The following GNAQ variants were observed in gnomAD, a reference collection of about 807,000 sequenced individuals.
The protein encoded by GNAQ is guanine nucleotide-binding protein G(q) subunit alpha.
A neutral mutation model predicts 43.9 loss-of-function variants in GNAQ; 8 were observed. The observed-to-expected ratio is 0.18, with a 90% CI of 0.11 to 0.33. The LOEUF (loss-of-function observed/expected upper bound fraction) is 0.33. GNAQ is among the 10% of genes least tolerant of loss of function. The pLI is 1.00. For synonymous variants in GNAQ, 155 were observed against 170.7 expected, an observed-to-expected ratio of 0.91 and a Z score of 0.71; for missense variants, 158 against 450.8, an observed-to-expected ratio of 0.35 and a Z score of 5.88.
At chr9:77,961,566 T>A (rs1823107741) in intron 1 of GNAQ, among the ~76,000 whole-genome samples, 1 of 152,172 alleles carries the variant, frequency 6.6e-6, no homozygotes, top group Non-Finnish European at 1.5e-5. Context: ...ACAGGTTCAC[T>A]GCACCACAAA....
At position 77,728,575 on chromosome 9, in the gene GNAQ, T is replaced by C. The variant is rs1825436327; in HGVS notation, c.828A>G (p.Lys276=). 1 of 1,601,014 alleles carries C rather than the reference T, an allele frequency of 6.2e-7. No homozygotes were observed. The highest frequency in any genetic ancestry group is 8.6e-7 in the Non-Finnish European group (1 of 1,168,216). ...NSSVILFLNK[K]DLLEEKIMYS... ...ACATGATTTTCTCCTCTAGAAGATC[T>C]TTCTTGTTTAAGAACAGAATAACCG... Residue 276 remains lysine (K), a synonymous_variant, in exon 6 of 7, where the codon AAA becomes AAG. Coordinates refer to ENST00000286548, the MANE Select transcript of GNAQ (RefSeq NM_002072.5).
intron 6 of GNAQ, among the ~76,000 whole-genome samples, chr9:77,724,184 C>A (rs1440161650): frequency 6.6e-6 from 1 of 151,912 alleles, no homozygotes. Context: ...CTATACCAAG[C>A]AATAAGAAAC....
rs778055818 is a variant in GNAQ, at chr9:77,716,783, T to C, written c.*4540A>G. On this transcript the variant is annotated 3_prime_UTR_variant, in exon 7 of 7. Coordinates refer to ENST00000286548, the MANE Select transcript of GNAQ (RefSeq NM_002072.5). ...CATTTGCTATATTGGGTTGGAATCA[T>C]ACGGGGAAATGGAGGACACAGGGTA... 8.6e-6 allele frequency: 2 copies of C among 232,768 alleles called. No homozygotes were observed. Among genetic ancestry groups the C allele is most frequent in the Non-Finnish European group, 1.7e-5 (2 of 117,878 alleles). The allele number at this position is 232,768 out of a possible 1,614,324, so 14.4% of individuals were successfully genotyped here. A position where few individuals can be genotyped will look rare whatever the true frequency, so the allele number is the denominator to read the frequency against.
chr9:77,829,949 A>G (rs1411700876), intron 2 of GNAQ, among the ~76,000 whole-genome samples: 1 of 151,854 alleles, frequency 6.6e-6, no homozygotes, highest in African/African-American at 2.4e-5. Flanking sequence ...AGACATGACC[A>G]ATTTTTTTTT....
Position 78,022,831 on chromosome 9 carries a change from A to G in GNAQ, c.136+8269T>C, listed in dbSNP as rs574760875. 1.2e-4 allele frequency among the ~76,000 whole-genome samples: 19 copies of G among 152,386 alleles called. No individual in the cohort carries two copies. The South Asian group carries it at 3.5e-3, about 28-fold the overall frequency. On this transcript the variant is annotated intron_variant, in intron 1 of 6. Transcript: ENST00000286548. ...GTCCTAAATATCAATTCACATGGCA[A>G]GAAAATACCAAAACAAACCCACCAC...
intron 5 of GNAQ, among the ~76,000 whole-genome samples, chr9:77,738,107 G>GGAC (rs1825600008): frequency 6.6e-6 from 1 of 152,216 alleles, no homozygotes; most frequent in Non-Finnish European, 1.5e-5. Flanking sequence ...AGTAAACAGA[G>GGAC]GACGTGGTGG....
chr9:77,772,171 A>C (rs1214566989), intron 5 of GNAQ, among the ~76,000 whole-genome samples: 1 of 152,016 alleles, frequency 6.6e-6, no homozygotes, highest in Admixed American at 6.5e-5. Flanking sequence ...ACCCACACAC[A>C]TGTAAATATA....
At position 77,822,595 on chromosome 9, in the gene GNAQ, G is replaced by A. The variant is rs536786735; in HGVS notation, c.322-6825C>T. Among the ~76,000 whole-genome samples, 8 of 138,910 alleles carry A rather than the reference G, an allele frequency of 5.8e-5. No individual in the cohort carries two copies. The East Asian group carries it at 6.2e-4, about 11-fold the overall frequency. The allele number at this position is 138,910 out of a possible 152,430, so 91.1% of individuals were successfully genotyped here. A position where few individuals can be genotyped will look rare whatever the true frequency, so the allele number is the denominator to read the frequency against. On this transcript the variant is annotated intron_variant, in intron 2 of 6. Coordinates refer to ENST00000286548, the MANE Select transcript of GNAQ (RefSeq NM_002072.5). The stretch of plus-strand genomic sequence containing the variant: ...TTCAGTTGGTAGAATTCAGACAGGC[G>A]AAAAAATAAAAAGAACAAGCTTTTT...
intron 1 of GNAQ, among the ~76,000 whole-genome samples, chr9:77,982,599 C>T (rs1042611142): frequency 1.3e-5 from 2 of 151,918 alleles, no homozygotes; most frequent in Non-Finnish European, 2.9e-5. Flanking sequence ...CCCTGAAAAG[C>T]TTTTTCAGAA....
intron 1 of GNAQ, among the ~76,000 whole-genome samples, chr9:77,976,830 G>A (rs1208222155): frequency 6.6e-6 from 1 of 152,198 alleles, no homozygotes; most frequent in Non-Finnish European, 1.5e-5. Flanking sequence ...CTAAAAACCT[G>A]CTCTCCATAC....
intron 3 of GNAQ, among the ~76,000 whole-genome samples, chr9:77,813,915 T>G (rs967184558): frequency 4.5e-4 from 68 of 152,256 alleles, no homozygotes; most frequent in African/African-American, 1.6e-3. Context: ...GAGGATGAGT[T>G]AGTTTTAAAG....
At chr9:77,922,797 G>GA (rs911385925) in intron 1 of GNAQ, among the ~76,000 whole-genome samples, 1 of 151,912 alleles carries the variant, frequency 6.6e-6, no homozygotes, top group Non-Finnish European at 1.5e-5. Flanking sequence ...ACAGAGATAA[G>GA]AAAAAAAGGT....
At chr9:77,948,610 CAGCAGAA>C in intron 1 of GNAQ, among the ~76,000 whole-genome samples, 1 of 152,282 alleles carries the variant, frequency 6.6e-6, no homozygotes, top group African/African-American at 2.4e-5. Context: ...GGGCAGAGCA[CAGCAGAA>C]AGAACGACCG....
chr9:77,726,238 A>C (rs1170112688), intron 6 of GNAQ, among the ~76,000 whole-genome samples: 2 of 152,200 alleles, frequency 1.3e-5, no homozygotes, highest in Non-Finnish European at 2.9e-5. Flanking sequence ...TGAAAGAGAA[A>C]ACACTGTTTA....
intron 2 of GNAQ, among the ~76,000 whole-genome samples, chr9:77,827,937 G>C (rs1187656970): frequency 6.6e-6 from 1 of 151,302 alleles, no homozygotes; most frequent in Non-Finnish European, 1.5e-5. Context: ...GCAGGCACCT[G>C]TAGTCCCAGC....
chr9:77,960,477 T>C (rs1350166204), intron 1 of GNAQ, among the ~76,000 whole-genome samples: 2 of 152,150 alleles, frequency 1.3e-5, no homozygotes, highest in Non-Finnish European at 2.9e-5. Context: ...CCTGGAGTGA[T>C]ATTACAGAAG....
intron 2 of GNAQ, among the ~76,000 whole-genome samples, chr9:77,877,342 T>C (rs1333859204): frequency 1.3e-5 from 2 of 152,198 alleles, no homozygotes; most frequent in East Asian, 3.8e-4. Context: ...ATACTAAGTA[T>C]AGTAGTCTCA....
At chr9:77,815,941 C>G (rs1827006599) in intron 2 of GNAQ, among the ~76,000 whole-genome samples, 171 bp from the exon 3 acceptor site, 1 of 152,074 alleles carries the variant, frequency 6.6e-6, no homozygotes, top group Non-Finnish European at 1.5e-5. Context: ...AGAGAGAACT[C>G]AGTCCCAAAT....
intron 1 of GNAQ, among the ~76,000 whole-genome samples, chr9:77,932,643 C>G (rs907960612): frequency 6.6e-6 from 1 of 152,104 alleles, no homozygotes; most frequent in East Asian, 1.9e-4. Flanking sequence ...GTGGTTGTGG[C>G]ACAGCAGCTG....
Sources: gnomAD v4.1 joint callset for allele counts (sites outside exome capture counted in the v4.1 genomes callset) on GRCh38, gnomAD v4.1.1 for gene constraint, MANE v1.5 for transcripts, NCBI Gene and HGNC (gene_info 2026-07-23, HGNC 2026-07-21) for gene names.